SH3D21: variants seen among roughly 807,000 people sequenced by gnomAD.
The protein encoded by SH3D21 is SH3 domain-containing protein 21.
SH3D21 carries 83 observed loss-of-function variants against 82.1 expected under a neutral mutation model. That is an observed-to-expected ratio of 1.01 (90% CI 0.85 to 1.21). SH3D21 has a LOEUF of 1.21. SH3D21 is among the 50% of genes most tolerant of loss of function. The pLI is 0.00. For synonymous variants in SH3D21, 383 were observed against 387.8 expected, an observed-to-expected ratio of 0.99 and a Z score of 0.15; for missense variants, 980 against 962.1, an observed-to-expected ratio of 1.02 and a Z score of -0.25.
intron 10 of SH3D21, among the ~76,000 whole-genome samples, chr1:36,309,799 T>C (rs1478646189): frequency 6.6e-6 from 1 of 152,198 alleles, no homozygotes; most frequent in Non-Finnish European, 1.5e-5. Flanking sequence ...GCTCTGTGTG[T>C]CTTGAGAATG....
At chr1:36,315,121 C>T (rs1646318686) in intron 10 of SH3D21, among the ~76,000 whole-genome samples, 1 of 151,910 alleles carries the variant, frequency 6.6e-6, no homozygotes, top group South Asian at 2.1e-4. Flanking sequence ...CCAAAAAATA[C>T]AAAAATTAGC....
intron 9 of SH3D21, 102 bp from the exon 10 acceptor site, chr1:36,309,446 A>G: frequency 7.3e-7 from 1 of 1,368,050 alleles, no homozygotes; most frequent in Non-Finnish European, 1.0e-6. Flanking sequence ...ATCCACTCCC[A>G]AAGTGCTGGG....
downstream of SH3D21, chr1:36,327,601 G>A (rs1646558015): frequency 3.6e-6 from 4 of 1,106,560 alleles, no homozygotes. Flanking sequence ...TGTGACATAT[G>A]TGTTTGGAGT....
Position 36,308,218 on chromosome 1 carries a change from C to G in SH3D21, c.639+9C>G, listed in dbSNP as rs11263871. On this transcript the variant is annotated intron_variant, in intron 8 of 15. Coordinates refer to ENST00000453908, the MANE Select transcript of SH3D21 (RefSeq NM_001162530.2). ...TAAAAGTACTCAGCAAGGTGTGAGA[C>G]GAACAGGGTGGGGGGGCCCAGGGAA... The G allele has an allele frequency of 0.99, 1,511,966 of 1,529,406 alleles. 748,687 individuals are homozygous for G. The highest frequency in any genetic ancestry group is 1 in the Non-Finnish European group (1,134,496 of 1,135,122). 94.7% of individuals were successfully genotyped at this position (1,529,406 alleles called of 1,614,324 possible). A position where few individuals can be genotyped will look rare whatever the true frequency, so the allele number is the denominator to read the frequency against.
At chr1:36,326,215 G>T (rs1268476483), downstream of SH3D21, among the ~76,000 whole-genome samples, 1 of 120,036 alleles carries the variant, frequency 8.3e-6, no homozygotes, top group African/African-American at 2.8e-5. Context: ...TTGTTGATGA[G>T]CTTTTTCTTT....
intron 11 of SH3D21, 35 bp from the exon 12 acceptor site, chr1:36,319,225 C>G (rs1429878686): frequency 6.4e-7 from 1 of 1,551,350 alleles, no homozygotes; most frequent in Non-Finnish European, 8.7e-7. Flanking sequence ...CCTCCCTGTG[C>G]CCCACCCTGA....
At chr1:36,309,611 G>A (rs1381175756) in intron 10 of SH3D21, 21 bp downstream of exon 10, 1 of 1,551,402 alleles carries the variant, frequency 6.4e-7, no homozygotes, top group Admixed American at 2.0e-5. Flanking sequence ...GGGGAGCCTG[G>A]GATTGGGGGG....
chr1:36,313,817 G>A (rs1646285778), intron 10 of SH3D21, among the ~76,000 whole-genome samples: 1 of 151,586 alleles, frequency 6.6e-6, no homozygotes, highest in East Asian at 1.9e-4. Context: ...CTCCTGCCTT[G>A]GCCTCCCAAA....
chr1:36,330,125 C>A (rs973157162), downstream of SH3D21, among the ~76,000 whole-genome samples: 9 of 152,188 alleles, frequency 5.9e-5, no homozygotes, highest in African/African-American at 2.2e-4. Flanking sequence ...GGTTCACACA[C>A]CCCGACCCAG....
chr1:36,320,481 C>A lies in SH3D21; in HGVS notation c.1818C>A (p.Pro606=). ...GGACCCCTGAAGAGGAGGCGCCCCC[C>A]AACGAGCAGAGGCCTCTGAGAGAGG... The part of the protein sequence containing the change: ...DERTPEEEAP[P]NEQRPLREEV... Residue 606 remains proline (P), a synonymous_variant, in exon 14 of 16, where the codon CCC becomes CCA. Coordinates refer to ENST00000453908, the MANE Select transcript of SH3D21 (RefSeq NM_001162530.2). The A allele has an allele frequency of 6.2e-7, 1 of 1,613,842 alleles. No homozygotes were observed.
In SH3D21 at chr1:36,320,091, GGAT is replaced by G. The variant is rs1646420335; in HGVS notation, c.1431_1433del (p.Asp477del). On this transcript the variant is annotated inframe_deletion, in exon 14 of 16. Transcript: ENST00000453908. ...CTAATCCAAAGATGGCCCCTCTGGG[GGAT>G]GAGGCCCCCACTCTAGAAAAGGTCT... 1.9e-6 allele frequency: 3 copies of G among 1,613,932 alleles called. No homozygotes were observed. The East Asian group carries it at 6.7e-5, about 36-fold the overall frequency.
chr1:36,306,692 G>A lies in SH3D21; in HGVS notation c.99G>A (p.Ala33=). 7.7e-6 allele frequency: 10 copies of A among 1,295,962 alleles called. No homozygotes were observed. The highest frequency in any genetic ancestry group is 9.1e-6 in the Non-Finnish European group (9 of 987,932). The allele number at this position is 1,295,962 out of a possible 1,614,324, so 80.3% of individuals were successfully genotyped here. Residue 33 remains alanine, a synonymous_variant, in exon 2 of 16, where the codon GCG becomes GCA. Coordinates refer to ENST00000453908, the MANE Select transcript of SH3D21 (RefSeq NM_001162530.2). The surrounding 1 kb of genome is among the most constrained non-coding windows in gnomAD (Gnocchi z 4.5). ...TCCGGCAGGTGCGCTGGGTGCCCGCGCGGGGCTGGCTTCGCGGAGAGTTTG... is the reference window on the plus strand; with the variant it reads ...TCCGGCAGGTGCGCTGGGTGCCCGCACGGGGCTGGCTTCGCGGAGAGTTTG... The part of the protein sequence containing the change: ...DVVRQVRWVP[A]RGWLRGEFGG...
downstream of SH3D21, among the ~76,000 whole-genome samples, chr1:36,330,162 A>G (rs772988337): frequency 6.6e-6 from 1 of 152,196 alleles, no homozygotes; most frequent in South Asian, 2.1e-4. Context: ...GCCCTGCTGC[A>G]GTCTGTAAGC....
At chr1:36,312,380 T>C (rs1445807889) in intron 10 of SH3D21, among the ~76,000 whole-genome samples, 1 of 152,180 alleles carries the variant, frequency 6.6e-6, no homozygotes, top group African/African-American at 2.4e-5. Context: ...TCTCAGAGTT[T>C]TTATTGTGTC....
At chr1:36,320,823 T>C in intron 14 of SH3D21, 25 bp downstream of exon 14, 1 of 1,550,808 alleles carries the variant, frequency 6.4e-7, no homozygotes, top group Non-Finnish European at 8.7e-7. Flanking sequence ...GCGGGGGTTG[T>C]GGAAGGTAGG....
chr1:36,323,125 C>T, downstream of SH3D21: 1 of 1,430,990 alleles, frequency 7.0e-7, no homozygotes, highest in Non-Finnish European at 9.4e-7. Flanking sequence ...CCGACCCCTT[C>T]CGCGGGCAGC....
rs144085863 is a variant in SH3D21, at chr1:36,320,258, C to G, written c.1595C>G (p.Thr532Arg). The stretch of plus-strand genomic sequence containing the variant: ...CCATCATCCCAGGAGGAGGCCCACA[C>G]GCCAGAGGCACCCCCACCCCAGCCT... ...EDPSSQEEAH[T>R]PEAPPPQPPS... The change falls in exon 14 of 16, where the codon ACG (threonine) becomes AGG (arginine). Residue 532 changes from threonine to arginine, a missense_variant. Coordinates refer to ENST00000453908, the MANE Select transcript of SH3D21 (RefSeq NM_001162530.2). 3.1e-6 allele frequency: 5 copies of G among 1,612,888 alleles called. No homozygotes were observed. Among genetic ancestry groups the G allele is most frequent in the Admixed American group, 3.3e-5 (2 of 60,000 alleles).
chr1:36,308,439 A>T lies in SH3D21; in HGVS notation c.690A>T (p.Gly230=). The T allele has an allele frequency of 6.4e-7, 1 of 1,551,772 alleles. No individual in the cohort carries two copies. Among genetic ancestry groups the T allele is most frequent in the Non-Finnish European group, 8.7e-7 (1 of 1,147,010 alleles). The change falls in exon 9 of 16, where the codon GGA becomes GGT. Residue 230 remains glycine, a synonymous_variant. Coordinates refer to ENST00000453908, the MANE Select transcript of SH3D21 (RefSeq NM_001162530.2). The part of the protein sequence containing the change: ...WWEGECQGRR[G]VFPDNFVLPP... ...AAGGAGAGTGTCAAGGACGAAGAGGAGTTTTTCCAGACAACTTTGTACTCC... is the reference window on the plus strand; with the variant it reads ...AAGGAGAGTGTCAAGGACGAAGAGGTGTTTTTCCAGACAACTTTGTACTCC...
chr1:36,308,834 T>C (rs1303028544), intron 9 of SH3D21, among the ~76,000 whole-genome samples: 2 of 151,886 alleles, frequency 1.3e-5, no homozygotes, highest in African/African-American at 4.8e-5. Context: ...AATACAAAAA[T>C]TAGCTGGGCG....
Sources: gnomAD v4.1 joint callset for allele counts (sites outside exome capture counted in the v4.1 genomes callset) on GRCh38, gnomAD v4.1.1 for gene constraint, Gnocchi (gnomAD v3.1) non-coding constraint, MANE v1.5 for transcripts, NCBI Gene and HGNC (gene_info 2026-07-23, HGNC 2026-07-21) for gene names.